NAALADL2: variants seen among roughly 807,000 people sequenced by gnomAD.
NAALADL2 encodes the protein inactive N-acetylated-alpha-linked acidic dipeptidase-like protein 2.
Under a neutral mutation model 87.2 loss-of-function variants are expected in NAALADL2, and 76 were observed. That is an observed-to-expected ratio of 0.87 (90% CI 0.72 to 1.05). The LOEUF is 1.05. Among genes scored for constraint, NAALADL2 ranks in the 50% least tolerant of loss-of-function variants. NAALADL2 has a pLI of 0.00. For missense variants in NAALADL2, 1,089 were observed against 945.8 expected, an observed-to-expected ratio of 1.15 and a Z score of -1.99; for synonymous variants, 354 against 331.0, an observed-to-expected ratio of 1.07 and a Z score of -0.75.
intron 1 of NAALADL2, among the ~76,000 whole-genome samples, chr3:175,009,954 A>T (rs1056456098): frequency 2.6e-5 from 4 of 152,086 alleles, no homozygotes; most frequent in Non-Finnish European, 5.9e-5. Flanking sequence ...ACGCTGAAGT[A>T]ATTGACTTGC....
At chr3:175,283,649 A>G (rs1581250722) in intron 4 of NAALADL2, among the ~76,000 whole-genome samples, 3 of 152,238 alleles carry the variant, frequency 2.0e-5, no homozygotes, top group Admixed American at 6.5e-5. Context: ...CATTCCATAC[A>G]ACAAAGCAGA....
intron 2 of NAALADL2, among the ~76,000 whole-genome samples, chr3:175,127,096 T>C (rs1485546943): frequency 6.6e-6 from 1 of 152,034 alleles, no homozygotes; most frequent in African/African-American, 2.4e-5. Flanking sequence ...TCTCAAGAAA[T>C]GTTAGTCTGT....
intron 3 of NAALADL2, among the ~76,000 whole-genome samples, chr3:174,842,907 A>G (rs1487875568): frequency 6.6e-6 from 1 of 152,122 alleles, no homozygotes; most frequent in Non-Finnish European, 1.5e-5. Flanking sequence ...GCCGTCAATT[A>G]TGGCTTATCT....
intron 2 of NAALADL2, among the ~76,000 whole-genome samples, chr3:175,131,514 C>A (rs1054504950): frequency 6.6e-6 from 1 of 152,176 alleles, no homozygotes; most frequent in African/African-American, 2.4e-5. Flanking sequence ...TAGTACAGAG[C>A]AAAATGAAAA....
intron 5 of NAALADL2, among the ~76,000 whole-genome samples, chr3:175,408,182 G>A (rs116075297): frequency 4.6e-5 from 7 of 152,004 alleles, no homozygotes; most frequent in African/African-American, 1.7e-4. Flanking sequence ...ATTTATAGGA[G>A]AGAACTCAGT....
intron 13 of NAALADL2, among the ~76,000 whole-genome samples, chr3:175,796,974 A>AGTT (rs1284826338): frequency 6.9e-6 from 1 of 145,600 alleles, no homozygotes; most frequent in Non-Finnish European, 1.5e-5. Flanking sequence ...CTTTTGCTTT[A>AGTT]GTTAAGAGGA....
chr3:174,683,378 A>T (rs2108832277), intron 2 of NAALADL2, among the ~76,000 whole-genome samples: 1 of 152,278 alleles, frequency 6.6e-6, no homozygotes, highest in African/African-American at 2.4e-5. Context: ...GGATTAATTG[A>T]AATTGTACCA....
At chr3:174,582,670 C>T (rs151248665) in intron 2 of NAALADL2, among the ~76,000 whole-genome samples, 43 of 150,866 alleles carry the variant, frequency 2.9e-4, no homozygotes, top group African/African-American at 1.0e-3. Context: ...CAACCTCTAC[C>T]TTCTGGGTTC....
intron 1 of NAALADL2, among the ~76,000 whole-genome samples, chr3:174,879,261 T>C (rs771687249): frequency 7.9e-5 from 12 of 152,128 alleles, no homozygotes; most frequent in Non-Finnish European, 1.5e-4. Context: ...CAGACAGTTT[T>C]AATTGCAAAG....
intron 10 of NAALADL2, among the ~76,000 whole-genome samples, chr3:175,612,314 T>A (rs141560163): frequency 6.6e-6 from 1 of 152,332 alleles, no homozygotes; most frequent in East Asian, 1.9e-4. Context: ...CATATTGGGC[T>A]TAATATTTGA....
At chr3:175,726,421 G>A (rs780862377) in intron 11 of NAALADL2, among the ~76,000 whole-genome samples, 1 of 152,150 alleles carries the variant, frequency 6.6e-6, no homozygotes, top group Non-Finnish European at 1.5e-5. Flanking sequence ...ATAGTTCAGA[G>A]ATTAAAATGT....
intron 1 of NAALADL2, among the ~76,000 whole-genome samples, chr3:174,536,452 A>G (rs765517678): frequency 6.4e-4 from 98 of 152,254 alleles, no homozygotes; most frequent in Non-Finnish European, 7.4e-4. Context: ...AGATTCCTCT[A>G]TTTTGCCATC....
rs555688463 is a variant in NAALADL2, at chr3:175,239,437, C to A, written c.819+5233C>A. Among the ~76,000 whole-genome samples, 7 of 152,178 alleles carry A rather than the reference C, an allele frequency of 4.6e-5. No homozygotes were observed. In the South Asian group the frequency reaches 1.0e-3, roughly 23 times the overall value. On this transcript the variant is annotated intron_variant, in intron 3 of 13. Transcript: ENST00000454872. ...TTATGCAATTTCTATGCAATTATTT[C>A]TTTTGTCCTTTGTGAAACACCAGCA... is the stretch of plus-strand genomic sequence containing the variant.
chr3:174,785,550 T>C (rs910077311), intron 3 of NAALADL2, among the ~76,000 whole-genome samples: 1 of 152,192 alleles, frequency 6.6e-6, no homozygotes, highest in Non-Finnish European at 1.5e-5. Flanking sequence ...TGTAGCCCAA[T>C]AGTACTTTGA....
intron 1 of NAALADL2, among the ~76,000 whole-genome samples, chr3:174,922,705 AG>A (rs1269217838): frequency 7.2e-5 from 11 of 152,330 alleles, no homozygotes; most frequent in African/African-American, 2.6e-4. Context: ...GTTATTTTGT[AG>A]AAAACCCCTC....
intron 1 of NAALADL2, among the ~76,000 whole-genome samples, chr3:174,880,561 A>C (rs1206095259): frequency 6.6e-6 from 1 of 151,968 alleles, no homozygotes; most frequent in African/African-American, 2.4e-5. Flanking sequence ...CTACCCTTGC[A>C]TCTCTCAACA....
rs530648190 is a variant in NAALADL2 at position 175,341,109 on chromosome 3, T to C, written c.1090+16784T>C. ...TGCAAAAATCATCACTAATTCAACC[T>C]ATTTTCATCACTCCCAAAAGAAACT... On this transcript the variant is annotated intron_variant, in intron 5 of 13. Transcript: ENST00000454872. Among the ~76,000 whole-genome samples, 8 of 152,030 alleles carry C rather than the reference T, an allele frequency of 5.3e-5. No homozygotes were observed. In the South Asian group the frequency reaches 1.7e-3, roughly 32 times the overall value.
At chr3:175,164,719 C>T (rs999477871) in intron 2 of NAALADL2, among the ~76,000 whole-genome samples, 1 of 152,104 alleles carries the variant, frequency 6.6e-6, no homozygotes, top group Non-Finnish European at 1.5e-5. Context: ...TGAAATAAGA[C>T]AAGCATGTCA....
chr3:174,492,404 A>G (rs1467067183), intron 1 of NAALADL2, among the ~76,000 whole-genome samples: 1 of 152,240 alleles, frequency 6.6e-6, no homozygotes, highest in Non-Finnish European at 1.5e-5. Flanking sequence ...CATAAATCCT[A>G]TAACCTGTTG....
Sources: allele counts gnomAD v4.1 joint callset (sites outside exome capture counted in the v4.1 genomes callset), GRCh38; gene constraint gnomAD v4.1.1; transcripts MANE v1.5; gene names NCBI Gene and HGNC (gene_info 2026-07-23, HGNC 2026-07-21).